SMARCA1: variants seen among roughly 807,000 people sequenced by gnomAD.
The protein encoded by SMARCA1 is SWI/SNF-related matrix-associated actin-dependent regulator of chromatin subfamily A member 1.
SMARCA1 carries 17 observed loss-of-function variants against 93.6 expected under a neutral mutation model. The observed-to-expected ratio is 0.18, with a 90% CI of 0.12 to 0.27. The LOEUF is 0.27. SMARCA1 is among the 10% of genes least tolerant of loss of function. The pLI is 1.00. For missense variants in SMARCA1, 630 were observed against 819.0 expected (o/e 0.77, Z 2.82); for synonymous variants, 271 against 271.4 (o/e 1.00, Z 0.01).
intron 23 of SMARCA1, among the ~76,000 whole-genome samples, chrX:129,448,855 G>A (rs1182167070): frequency 1.8e-5 from 2 of 109,892 alleles, no homozygotes; most frequent in South Asian, 3.9e-4. Context: ...AATGGTTGCC[G>A]GGAGCTAGGG....
chrX:129,487,715 G>T (rs1363518620), intron 16 of SMARCA1, among the ~76,000 whole-genome samples: 1 of 111,577 alleles, frequency 9.0e-6, no homozygotes, highest in African/African-American at 3.3e-5. Context: ...CAGGAGAGGG[G>T]GCCTATAGAT....
intron 23 of SMARCA1, among the ~76,000 whole-genome samples, chrX:129,463,293 C>T (rs1018450047): frequency 9.0e-6 from 1 of 111,624 alleles, no homozygotes; most frequent in Non-Finnish European, 1.9e-5. Context: ...ATTTATCCTG[C>T]ATGGCTTTTA....
chrX:129,467,723 G>A (rs146299304), intron 21 of SMARCA1, among the ~76,000 whole-genome samples: 217 of 110,704 alleles, frequency 2.0e-3, no homozygotes, highest in African/African-American at 6.6e-3. Flanking sequence ...ATTAAAAGCT[G>A]TTCCTAGCTA....
chrX:129,491,283 ATTTC>A (rs754067494), intron 14 of SMARCA1, among the ~76,000 whole-genome samples: 6 of 111,514 alleles, frequency 5.4e-5, no homozygotes, highest in African/African-American at 2.0e-4. Context: ...TCTAAATTAT[ATTTC>A]TTTATCTGAA....
chrX:129,511,995 T>A lies in SMARCA1; in HGVS notation c.631-12A>T. The A allele has an allele frequency of 8.7e-7, 1 of 1,147,689 alleles. No homozygotes were observed. Among genetic ancestry groups the A allele is most frequent in the Admixed American group, 2.7e-5 (1 of 37,686 alleles). 94.6% of individuals were successfully genotyped at this position (1,147,689 alleles called of 1,213,427 possible). ...GTTTTCCCAAGGCCCTGCATTATCA[T>A]CACAAGGAAAAAAATCCATGAACAT... is the stretch of plus-strand genomic sequence containing the variant. On this transcript the variant is annotated splice_polypyrimidine_tract_variant and intron_variant, in intron 5 of 24. Coordinates refer to ENST00000371121, the MANE Select transcript of SMARCA1 (RefSeq NM_001282874.2).
At chrX:129,510,868 C>T (rs1225325945) in intron 6 of SMARCA1, among the ~76,000 whole-genome samples, 1 of 111,112 alleles carries the variant, frequency 9.0e-6, no homozygotes, top group Admixed American at 9.6e-5. Flanking sequence ...TAATTGTAAA[C>T]TTATGAGCTC....
chrX:129,486,385 CT>C (rs1407467629), intron 17 of SMARCA1, among the ~76,000 whole-genome samples: 1 of 110,888 alleles, frequency 9.0e-6, no homozygotes, highest in African/African-American at 3.3e-5. Flanking sequence ...TTTTGTAAGT[CT>C]AAAGTAATTT....
chrX:129,507,681 G>C (rs1331949723), intron 7 of SMARCA1, among the ~76,000 whole-genome samples: 1 of 112,141 alleles, frequency 8.9e-6, no homozygotes, highest in Non-Finnish European at 1.9e-5. Context: ...AGCCTCCCAA[G>C]TAGCTGGGAC....
chrX:129,523,189 C>T lies in SMARCA1; in HGVS notation c.174+8G>A, dbSNP rs778631486. 5.8e-6 allele frequency: 7 copies of T among 1,209,230 alleles called. No individual in the cohort carries two copies. In the Admixed American group the frequency reaches 6.5e-5, roughly 11 times the overall value. ...TGTCCACCACACACACACCCCCTTC[C>T]TATTTACCTCCTTCTTCTTCTCGCC... On this transcript the variant is annotated splice_region_variant and intron_variant, in intron 1 of 24. Transcript: ENST00000371121.
Position 129,449,080 on chromosome X carries a change from G to T in SMARCA1, c.3031-637C>A, listed in dbSNP as rs776708707. On this transcript the variant is annotated intron_variant, in intron 23 of 24. Transcript: ENST00000371121. ...GGTTGTGATATTTTACTATAGTTTTGCAAAATGTTACTATTGGGGAAAACT... is the reference window on the plus strand; with the variant it reads ...GGTTGTGATATTTTACTATAGTTTTTCAAAATGTTACTATTGGGGAAAACT... Among the ~76,000 whole-genome samples, 284 of 111,117 alleles carry T rather than the reference G, an allele frequency of 2.6e-3. 2 individuals carry two copies. The highest frequency in any genetic ancestry group is 8.8e-3 in the African/African-American group (268 of 30,561).
chrX:129,523,245 C>T lies in SMARCA1; in HGVS notation c.126G>A (p.Ala42=), dbSNP rs757422553. ...CCGTGGCCGCGGTGGCTTCGGTGGC[C>T]GCGGCGGCCGCTCCCTCCTCCTGAG... is the stretch of plus-strand genomic sequence containing the variant. ...STSQEEGAAA[A]ATEATAATEK... is the part of the protein sequence containing the mutation. The change falls in exon 1 of 25, where the codon GCG becomes GCA. Residue 42 remains alanine (A), a synonymous_variant. Coordinates refer to ENST00000371121, the MANE Select transcript of SMARCA1 (RefSeq NM_001282874.2). 2.5e-6 allele frequency: 3 copies of T among 1,209,094 alleles called. No individual in the cohort carries two copies. Among genetic ancestry groups the T allele is most frequent in the South Asian group, 3.5e-5 (2 of 56,788 alleles).
chrX:129,517,696 A>T (rs1008663179), intron 2 of SMARCA1, among the ~76,000 whole-genome samples: 5 of 111,184 alleles, frequency 4.5e-5, no homozygotes, highest in African/African-American at 1.6e-4. Flanking sequence ...GAGGAAAAAA[A>T]AATCCATTTC....
chrX:129,487,094 G>C lies in SMARCA1; in HGVS notation c.2141C>G (p.Ser714Cys), dbSNP rs762777160. The C allele has an allele frequency of 4.4e-5, 51 of 1,168,580 alleles. No individual in the cohort carries two copies. The highest frequency in any genetic ancestry group is 5.9e-5 in the Non-Finnish European group (51 of 862,060). The change falls in exon 17 of 25, where the codon TCT (serine) becomes TGT (cysteine). Residue 714 changes from serine (S) to cysteine (C), a missense_variant. Ser to Cys is a moderately radical substitution (Grantham distance 112, BLOSUM62 -1). Transcript: ENST00000371121. ...AATGTCCATTCTAAAATTTCTTAGA[G>C]AAGACTCTCCCATTTTTTGCAGGCG... ...NERLQKMGES[S>C]LRNFRMDIEQ... is the part of the protein sequence containing the mutation.
At chrX:129,513,894 T>C (rs1299824866) in intron 5 of SMARCA1, among the ~76,000 whole-genome samples, 5 of 112,621 alleles carry the variant, frequency 4.4e-5, no homozygotes, top group Non-Finnish European at 9.4e-5. Context: ...ATAGGGCACG[T>C]ATCATCATGT....
chrX:129,449,129 C>T (rs764633203), intron 23 of SMARCA1, among the ~76,000 whole-genome samples: 2 of 111,440 alleles, frequency 1.8e-5, no homozygotes, highest in East Asian at 5.6e-4. Context: ...ATGAGACCTC[C>T]CTGTACATTT....
At chrX:129,452,933 T>G (rs1328447555) in intron 23 of SMARCA1, among the ~76,000 whole-genome samples, 1 of 112,049 alleles carries the variant, frequency 8.9e-6, no homozygotes, top group Non-Finnish European at 1.9e-5. Context: ...TCACAATATT[T>G]CAAAGATCAT....
At chrX:129,500,937 G>GA (rs769323906) in intron 9 of SMARCA1, among the ~76,000 whole-genome samples, 1 of 111,596 alleles carries the variant, frequency 9.0e-6, no homozygotes, top group South Asian at 3.8e-4. Flanking sequence ...GATGAATAGA[G>GA]AAAAAAAGAT....
rs775781320 is a variant in SMARCA1, at chrX:129,506,206, T to C, written c.972A>G (p.Ser324=). ...TCGACTTGAACTCACGAACAATCTCTGAAAGCTAGAAAATAATACTCATAT... is the reference window on the plus strand; with the variant it reads ...TCGACTTGAACTCACGAACAATCTCCGAAAGCTAGAAAATAATACTCATAT... ...HRIKNEKSKL[S]EIVREFKSTN... The change falls in exon 8 of 25, where the codon TCA becomes TCG. Residue 324 remains serine (S), a synonymous_variant. Transcript: ENST00000371121. 2.3e-5 allele frequency: 27 copies of C among 1,177,618 alleles called. No homozygotes were observed. The highest frequency in any genetic ancestry group is 9.2e-6 in the Non-Finnish European group (8 of 867,038).
chrX:129,505,052 C>T (rs1046564236), intron 8 of SMARCA1, among the ~76,000 whole-genome samples: 3 of 111,118 alleles, frequency 2.7e-5, no homozygotes, highest in Non-Finnish European at 5.7e-5. Flanking sequence ...ATTAGGCTTC[C>T]CCATACTGTA....
Sources: allele counts gnomAD v4.1 joint callset (sites outside exome capture counted in the v4.1 genomes callset), GRCh38; gene constraint gnomAD v4.1.1; transcripts MANE v1.5; gene names NCBI Gene and HGNC (gene_info 2026-07-23, HGNC 2026-07-21).